The following RIMS3 variants were observed in gnomAD, a reference collection of about 807,000 sequenced individuals.
RIMS3 encodes the protein regulating synaptic membrane exocytosis protein 3.
Under a neutral mutation model 29.2 loss-of-function variants are expected in RIMS3, and 15 were observed. That is an observed-to-expected ratio of 0.51 (90% CI 0.34 to 0.79). RIMS3 has a LOEUF of 0.79. RIMS3 is among the 30% of genes least tolerant of loss of function. The pLI, the probability that RIMS3 is intolerant of heterozygous loss-of-function variation, is 0.01. For missense variants in RIMS3, 342 were observed against 421.4 expected (o/e 0.81, Z 1.65); for synonymous variants, 161 against 170.1 (o/e 0.95, Z 0.41).
intron 1 of RIMS3, among the ~76,000 whole-genome samples, chr1:40,651,914 G>A (rs1281735519): frequency 1.3e-5 from 2 of 152,180 alleles, no homozygotes; most frequent in Admixed American, 6.5e-5. Flanking sequence ...ACCAATGTGT[G>A]TTTTGTGAAG....
rs200219484 is a variant in RIMS3 at position 40,646,882 on chromosome 1, C to CT, written c.-32+785dup. Among the ~76,000 whole-genome samples, 658 of 144,466 alleles carry CT rather than the reference C, an allele frequency of 4.6e-3. 6 individuals are homozygous for CT. Among genetic ancestry groups the CT allele is most frequent in the African/African-American group, 8.0e-3 (313 of 39,006 alleles). The allele number at this position is 144,466 out of a possible 152,430, so 94.8% of individuals were successfully genotyped here. A position where few individuals can be genotyped will look rare whatever the true frequency, so the allele number is the denominator to read the frequency against. On this transcript the variant is annotated intron_variant, in intron 2 of 7. Transcript: ENST00000372684. ...TTTAACCGTGGGTCTAACCAGATAACTTTTTTTTTTTTTTTTGAGATGGAG... is the reference window on the plus strand; with the variant it reads ...TTTAACCGTGGGTCTAACCAGATAACTTTTTTTTTTTTTTTTTGAGATGGAG...
At chr1:40,627,819 G>C (rs2148343017) in intron 7 of RIMS3, among the ~76,000 whole-genome samples, 1 of 151,516 alleles carries the variant, frequency 6.6e-6, no homozygotes, top group East Asian at 1.9e-4. Flanking sequence ...TTGCCAGGCT[G>C]GTCTCAAACT....
At chr1:40,629,682 G>A (rs1287413904) in intron 5 of RIMS3, among the ~76,000 whole-genome samples, 1 of 152,130 alleles carries the variant, frequency 6.6e-6, no homozygotes, top group Non-Finnish European at 1.5e-5. Flanking sequence ...TTACTGAGCA[G>A]AATAGCAAAC....
the RIMS3 span, chr1:40,681,425 T>C: frequency 2.0e-5 from 3 of 152,244 alleles, no homozygotes; most frequent in Non-Finnish European, 2.9e-5. Flanking sequence ...TTCTGCTCCC[T>C]GGCTCCCAAA....
chr1:40,631,426 C>T (rs532384875), intron 5 of RIMS3, among the ~76,000 whole-genome samples: 2 of 152,278 alleles, frequency 1.3e-5, no homozygotes, highest in South Asian at 4.1e-4. Flanking sequence ...TATAAAATGG[C>T]AGCCAGGAGG....
At position 40,622,131 on chromosome 1, in the gene RIMS3, G is replaced by C. The variant is rs775855656; in HGVS notation, c.*4386C>G. The C allele has an allele frequency of 6.6e-6, 1 of 152,560 alleles. No homozygotes were observed. Among genetic ancestry groups the C allele is most frequent in the South Asian group, 2.1e-4 (1 of 4,832 alleles). The allele number at this position is 152,560 out of a possible 1,614,324, so 9.5% of individuals were successfully genotyped here. A position where few individuals can be genotyped will look rare whatever the true frequency, so the allele number is the denominator to read the frequency against. On this transcript the variant is annotated 3_prime_UTR_variant, in exon 8 of 8. Transcript: ENST00000372684. ...ATTAAGCCCTTTATCAGAGAACAAG[G>C]TCCCACCATCGGGCATGCCAACATC... is the stretch of plus-strand genomic sequence containing the variant.
rs1646440719 is a variant in RIMS3, at chr1:40,624,374, T to G, written c.*2143A>C. On this transcript the variant is annotated 3_prime_UTR_variant, in exon 8 of 8. Transcript: ENST00000372684. ...TAAACAGGAGATTAAAATACCCTTTTGCAACGGAGTTTCCTTCTTGATCCC... is the reference window on the plus strand; with the variant it reads ...TAAACAGGAGATTAAAATACCCTTTGGCAACGGAGTTTCCTTCTTGATCCC... The G allele has an allele frequency of 6.6e-6, 1 of 152,284 alleles. No individual in the cohort carries two copies. Among genetic ancestry groups the G allele is most frequent in the Non-Finnish European group, 1.5e-5 (1 of 68,074 alleles). The allele number at this position is 152,284 out of a possible 1,614,324, so 9.4% of individuals were successfully genotyped here.
Position 40,654,097 on chromosome 1 carries a change from G to T in RIMS3, c.-206-6255C>A, listed in dbSNP as rs1642235720. ...ACGGCAGTACCACGGACAGCGGCTG[G>T]CGACTCGCTCCCAGTCCCTCCCCCG... On this transcript the variant is annotated intron_variant, in intron 1 of 7. Transcript: ENST00000372684. This position sits in a 1 kb window ranked among gnomAD's most constrained non-coding sequence, Gnocchi z 5.3. Among the ~76,000 whole-genome samples the T allele has an allele frequency of 6.6e-6, 1 of 151,770 alleles. No individual in the cohort carries two copies. Among genetic ancestry groups the T allele is most frequent in the Admixed American group, 6.6e-5 (1 of 15,248 alleles).
chr1:40,656,191 G>A (rs141999276), intron 1 of RIMS3, among the ~76,000 whole-genome samples: 1 of 152,244 alleles, frequency 6.6e-6, no homozygotes, highest in East Asian at 1.9e-4. Context: ...CCAAGAACAG[G>A]CCTCTACACT....
chr1:40,662,297 C>G (rs1044956787), intron 1 of RIMS3, among the ~76,000 whole-genome samples: 1 of 152,150 alleles, frequency 6.6e-6, no homozygotes, highest in Non-Finnish European at 1.5e-5. Context: ...CTTCCTCATC[C>G]CTTCTTCGCC....
At chr1:40,628,747 A>C in intron 7 of RIMS3, 63 bp downstream of exon 7, 2 of 1,609,628 alleles carry the variant, frequency 1.2e-6, no homozygotes, top group Non-Finnish European at 1.7e-6. Context: ...ATAAATGAAA[A>C]ACTTTAAATT....
At chr1:40,628,263 C>T (rs560196570) in intron 7 of RIMS3, among the ~76,000 whole-genome samples, 4 of 152,194 alleles carry the variant, frequency 2.6e-5, no homozygotes, top group Admixed American at 2.6e-4. Flanking sequence ...ATCTATGAAA[C>T]GAGCATGAAG....
At chr1:40,680,338 T>G in the RIMS3 span, among the ~76,000 whole-genome samples, 3 of 150,694 alleles carry the variant, frequency 2.0e-5, no homozygotes, top group Non-Finnish European at 3.0e-5. Context: ...TAGTTTTTTT[T>G]TTTTTTTTTT....
At chr1:40,663,864 G>C (rs1409562951) in intron 1 of RIMS3, among the ~76,000 whole-genome samples, 1 of 152,184 alleles carries the variant, frequency 6.6e-6, no homozygotes, top group African/African-American at 2.4e-5. Flanking sequence ...TCAGCAGTTA[G>C]CTGCTGAGCC....
chr1:40,683,015 G>A, the RIMS3 span, among the ~76,000 whole-genome samples: 2 of 151,984 alleles, frequency 1.3e-5, no homozygotes, highest in Non-Finnish European at 2.9e-5. Flanking sequence ...ATGAGTCACT[G>A]TGCCTGGCTG....
chr1:40,628,794 G>T lies in RIMS3; in HGVS notation c.714+16C>A, dbSNP rs753483674. ...TCTGTGAGTCCACCCTGCCCTACTT[G>T]CCCTGTGACACCCACCTGCAGCACC... On this transcript the variant is annotated intron_variant, in intron 7 of 7. Coordinates refer to ENST00000372684, the MANE Select transcript of RIMS3 (RefSeq NM_014747.3). The T allele has an allele frequency of 1.2e-6, 2 of 1,614,086 alleles. No homozygotes were observed. Among genetic ancestry groups the T allele is most frequent in the South Asian group, 2.2e-5 (2 of 91,088 alleles).
chr1:40,629,664 C>T (rs1370964923), intron 5 of RIMS3, among the ~76,000 whole-genome samples: 1 of 152,104 alleles, frequency 6.6e-6, no homozygotes, highest in Non-Finnish European at 1.5e-5. Flanking sequence ...AACTGAGAGG[C>T]TTCTGTTTTA....
At chr1:40,669,080 TA>T (rs1270508473), upstream of RIMS3, 1 of 152,282 alleles carries the variant, frequency 6.6e-6, no homozygotes, top group Non-Finnish European at 1.5e-5. Context: ...GTGGCCATCC[TA>T]AGAACTGCAA....
Position 40,636,181 on chromosome 1 carries a change from C to A in RIMS3, c.218-124G>T. 7.9e-7 allele frequency: 1 copy of A among 1,260,648 alleles called. No individual in the cohort carries two copies. Among genetic ancestry groups the A allele is most frequent in the Non-Finnish European group, 1.1e-6 (1 of 900,598 alleles). 78.1% of individuals were successfully genotyped at this position (1,260,648 alleles called of 1,614,324 possible). A position where few individuals can be genotyped will look rare whatever the true frequency, so the allele number is the denominator to read the frequency against. ...GGGTTGATGGGGAGGATGAGCAGGG[C>A]TCTGACTGGAGGCAGGGGCATGGCT... On this transcript the variant is annotated intron_variant, in intron 3 of 7. Coordinates refer to ENST00000372684, the MANE Select transcript of RIMS3 (RefSeq NM_014747.3). This position sits in a 1 kb window ranked among gnomAD's most constrained non-coding sequence, Gnocchi z 4.2.
Sources: gnomAD v4.1 joint callset for allele counts (sites outside exome capture counted in the v4.1 genomes callset) on GRCh38, gnomAD v4.1.1 for gene constraint, Gnocchi (gnomAD v3.1) non-coding constraint, MANE v1.5 for transcripts, NCBI Gene and HGNC (gene_info 2026-07-23, HGNC 2026-07-21) for gene names.